Variants in NMBR observed in about 807,000 individuals in gnomAD.
NMBR encodes the protein neuromedin-B receptor.
Under a neutral mutation model 20.5 loss-of-function variants are expected in NMBR, and 16 were observed. The ratio of observed to expected loss-of-function variants is 0.78; its 90% CI spans 0.53 to 1.19. The LOEUF is 1.19. Ranked by LOEUF, NMBR falls within the 50% of genes most tolerant of loss-of-function variation. The pLI, the probability that NMBR is intolerant of heterozygous loss-of-function variation, is 0.00. For synonymous variants in NMBR, 212 were observed against 196.6 expected, an observed-to-expected ratio of 1.08 and a Z score of -0.65; for missense variants, 582 against 499.1, an observed-to-expected ratio of 1.17 and a Z score of -1.58.
At chr6:142,146,376 T>C (rs111260538) in intron 1 of NMBR, among the ~76,000 whole-genome samples, 3 of 152,016 alleles carry the variant, frequency 2.0e-5, no homozygotes, top group Non-Finnish European at 2.9e-5. Flanking sequence ...AGGACTGAGA[T>C]AAAATAAAGA....
chr6:142,115,727 T>A (rs182770036), intron 1 of NMBR, among the ~76,000 whole-genome samples: 223 of 152,214 alleles, frequency 1.5e-3, no homozygotes, highest in African/African-American at 5.0e-3. Flanking sequence ...GTTTTTCGGT[T>A]CCTAGATTTA....
chr6:142,109,603 T>C (rs956842625), intron 1 of NMBR, among the ~76,000 whole-genome samples: 8 of 150,216 alleles, frequency 5.3e-5, no homozygotes, highest in Admixed American at 3.3e-4. Context: ...AGATGCTCAA[T>C]ATTATTACCC....
chr6:142,096,311 C>T (rs1427066037), intron 1 of NMBR, among the ~76,000 whole-genome samples: 1 of 152,188 alleles, frequency 6.6e-6, no homozygotes, highest in Non-Finnish European at 1.5e-5. Flanking sequence ...TTTCCCTCTA[C>T]ACACTGCTTT....
intron 1 of NMBR, among the ~76,000 whole-genome samples, chr6:142,134,315 C>A (rs938229468): frequency 2.6e-5 from 4 of 152,090 alleles, no homozygotes; most frequent in Non-Finnish European, 4.4e-5. Context: ...TCATCATTAT[C>A]AGTCATTGAG....
chr6:142,109,837 G>A (rs1206059858), intron 1 of NMBR, among the ~76,000 whole-genome samples: 2 of 152,090 alleles, frequency 1.3e-5, no homozygotes, highest in African/African-American at 4.8e-5. Flanking sequence ...CATAAAAGAG[G>A]CCCAAGGGAG....
chr6:142,125,252 A>G (rs979159781), intron 1 of NMBR, among the ~76,000 whole-genome samples: 10 of 151,848 alleles, frequency 6.6e-5, no homozygotes, highest in Admixed American at 2.0e-4. Context: ...CTCTGACCCA[A>G]TGCAAAATAC....
intron 1 of NMBR, among the ~76,000 whole-genome samples, chr6:142,128,716 A>G (rs1778084730): frequency 6.6e-6 from 1 of 151,986 alleles, no homozygotes; most frequent in South Asian, 2.1e-4. Context: ...TCAGAGATAA[A>G]TCCCACTGGT....
chr6:142,142,919 T>C (rs957991865), intron 1 of NMBR, among the ~76,000 whole-genome samples: 14 of 152,052 alleles, frequency 9.2e-5, no homozygotes, highest in South Asian at 2.1e-4. Context: ...ACTCCACCTC[T>C]ACAAAAAATA....
At chr6:142,121,222 T>G (rs1221709094) in intron 1 of NMBR, among the ~76,000 whole-genome samples, 1 of 151,900 alleles carries the variant, frequency 6.6e-6, no homozygotes, top group Non-Finnish European at 1.5e-5. Context: ...ATTGGCTGTT[T>G]CCCCACGTCT....
At chr6:142,117,712 G>A (rs1340390945) in intron 1 of NMBR, among the ~76,000 whole-genome samples, 1 of 151,796 alleles carries the variant, frequency 6.6e-6, no homozygotes, top group Non-Finnish European at 1.5e-5. Flanking sequence ...CAAATTAAAG[G>A]AATGCTACAT....
intron 1 of NMBR, among the ~76,000 whole-genome samples, chr6:142,105,185 G>T (rs1582849101): frequency 6.6e-6 from 1 of 152,166 alleles, no homozygotes; most frequent in East Asian, 1.9e-4. Context: ...AGTTAGGGTG[G>T]GGCAGGAACA....
chr6:142,143,546 A>G (rs1778388392), intron 1 of NMBR, among the ~76,000 whole-genome samples: 1 of 152,250 alleles, frequency 6.6e-6, no homozygotes, highest in Non-Finnish European at 1.5e-5. Context: ...GGCTTCCCAA[A>G]GTGCTGGAAT....
chr6:142,109,407 AT>A (rs1777719235), intron 1 of NMBR, among the ~76,000 whole-genome samples: 2 of 151,814 alleles, frequency 1.3e-5, no homozygotes, highest in African/African-American at 4.8e-5. Context: ...CCAGGTATTC[AT>A]TGGAAAGAGA....
At chr6:142,104,585 G>C (rs183323971) in intron 1 of NMBR, among the ~76,000 whole-genome samples, 2 of 152,048 alleles carry the variant, frequency 1.3e-5, no homozygotes, top group South Asian at 4.1e-4. Flanking sequence ...TAAAATAATA[G>C]TCATTCATTT....
intron 1 of NMBR, among the ~76,000 whole-genome samples, chr6:142,096,989 T>C (rs1777466597): frequency 6.6e-6 from 1 of 152,084 alleles, no homozygotes; most frequent in Non-Finnish European, 1.5e-5. Context: ...AGACTAGGAT[T>C]GCAACCCCTG....
At chr6:142,095,518 G>T (rs978423104) in intron 1 of NMBR, among the ~76,000 whole-genome samples, 1 of 152,166 alleles carries the variant, frequency 6.6e-6, no homozygotes, top group Non-Finnish European at 1.5e-5. Flanking sequence ...TGATCATGGT[G>T]GATAAGCTTT....
intron 1 of NMBR, among the ~76,000 whole-genome samples, chr6:142,090,392 AC>A (rs201751212): frequency 0.019 from 2,929 of 152,212 alleles, 39 homozygotes; most frequent in Non-Finnish European, 0.03. Flanking sequence ...CACCAAGAGC[AC>A]TGTCACATCA....
chr6:142,091,815 G>A (rs1011118649), intron 1 of NMBR, among the ~76,000 whole-genome samples: 2 of 152,124 alleles, frequency 1.3e-5, no homozygotes, highest in African/African-American at 4.8e-5. Context: ...CTGAGTATTT[G>A]ATGTTTATAA....
intron 1 of NMBR, among the ~76,000 whole-genome samples, chr6:142,110,022 G>A (rs1027282196): frequency 6.6e-6 from 1 of 152,134 alleles, no homozygotes; most frequent in Non-Finnish European, 1.5e-5. Context: ...TGTTATAGCA[G>A]TTTGAATGAA....
Sources: gnomAD v4.1 joint callset for allele counts (sites outside exome capture counted in the v4.1 genomes callset) on GRCh38, gnomAD v4.1.1 for gene constraint, MANE v1.5 for transcripts, NCBI Gene and HGNC (gene_info 2026-07-23, HGNC 2026-07-21) for gene names.